The following ADAMTS9 variants were observed in gnomAD, a reference collection of about 807,000 sequenced individuals.
The protein encoded by ADAMTS9 is ADAM metallopeptidase with thrombospondin type 1 motif 9.
A neutral mutation model predicts 257.1 loss-of-function variants in ADAMTS9; 107 were observed. That is an observed-to-expected ratio of 0.42 (90% CI 0.36 to 0.49). The LOEUF is 0.49. Among genes scored for constraint, ADAMTS9 ranks in the 20% least tolerant of loss-of-function variants. ADAMTS9 has a pLI of 0.03. For synonymous variants in ADAMTS9, 982 were observed against 880.9 expected, an observed-to-expected ratio of 1.11 and a Z score of -2.03; for missense variants, 2,353 against 2,469.1, an observed-to-expected ratio of 0.95 and a Z score of 1.00.
At chr3:64,597,487 A>G (rs2084387320) in intron 26 of ADAMTS9, among the ~76,000 whole-genome samples, 1 of 152,206 alleles carries the variant, frequency 6.6e-6, no homozygotes, top group African/African-American at 2.4e-5. Flanking sequence ...TTACTCCAGG[A>G]AAACATCATG....
At chr3:64,569,639 A>ACATTCATAT (rs397715352) in intron 28 of ADAMTS9, among the ~76,000 whole-genome samples, 6 of 152,182 alleles carry the variant, frequency 3.9e-5, no homozygotes, top group Admixed American at 3.9e-4. Context: ...AAGCATGCTC[A>ACATTCATAT]GTTATCCATT....
At chr3:64,547,858 T>G (rs899653169) in intron 31 of ADAMTS9, among the ~76,000 whole-genome samples, 2 of 130,568 alleles carry the variant, frequency 1.5e-5, no homozygotes, top group Middle Eastern at 3.6e-3. Context: ...CTTAGCTAAG[T>G]TTTTTTTTTT....
At chr3:64,530,833 T>A (rs1299526021) in intron 38 of ADAMTS9, among the ~76,000 whole-genome samples, 1 of 152,170 alleles carries the variant, frequency 6.6e-6, no homozygotes, top group African/African-American at 2.4e-5. Flanking sequence ...GCAGTGGCAC[T>A]AGACAGGCAA....
intron 3 of ADAMTS9, among the ~76,000 whole-genome samples, chr3:64,674,822 C>A (rs1042239489): frequency 6.6e-6 from 1 of 152,190 alleles, no homozygotes; most frequent in Non-Finnish European, 1.5e-5. Context: ...GTCTCTCACT[C>A]CATTTGGGTA....
intron 3 of ADAMTS9, among the ~76,000 whole-genome samples, chr3:64,664,620 A>T (rs531749616): frequency 5.2e-4 from 79 of 152,230 alleles, no homozygotes; most frequent in African/African-American, 1.8e-3. Flanking sequence ...ATTACTTGTT[A>T]CTGTTAAATA....
In ADAMTS9 at chr3:64,633,891, A is replaced by G; in HGVS notation, c.1857-12T>C. ...CACCATTTTTTGGTCTGAAAAAGAAAAAATGTGAAGAGCACACACACTGTA... is the reference window on the plus strand; with the variant it reads ...CACCATTTTTTGGTCTGAAAAAGAAGAAATGTGAAGAGCACACACACTGTA... On this transcript the variant is annotated splice_polypyrimidine_tract_variant and intron_variant, in intron 12 of 39. Transcript: ENST00000498707. 1 of 1,606,814 alleles carries G rather than the reference A, an allele frequency of 6.2e-7. No individual in the cohort carries two copies. The highest frequency in any genetic ancestry group is 8.5e-7 in the Non-Finnish European group (1 of 1,176,722).
At position 64,622,243 on chromosome 3, in the gene ADAMTS9, A is replaced by T; in HGVS notation, c.2641T>A (p.Trp881Arg). 6.2e-7 allele frequency: 1 copy of T among 1,614,060 alleles called. No homozygotes were observed. Reference protein sequence around the residue: ...PIEDKPQQFYWNSHGPWQACS... With the variant: ...PIEDKPQQFYRNSHGPWQACS... ...GCTTGCCATGGCCCATGACTGTTCC[A>T]GTAAAACTGCTGAGGTTTATCTTCA... The change falls in exon 18 of 40, where the codon TGG becomes AGG. Residue 881 changes from tryptophan (W) to arginine (R), a missense_variant. Around this residue, in one of 3 missense-constraint regions of ADAMTS9, gnomAD observed 1,402 missense variants for 1,441.4 expected, o/e 0.97. Coordinates refer to ENST00000498707, the MANE Select transcript of ADAMTS9 (RefSeq NM_182920.2).
At chr3:64,647,806 G>T in intron 11 of ADAMTS9, 134 bp downstream of exon 11, 1 of 645,874 alleles carries the variant, frequency 1.5e-6, no homozygotes, top group Non-Finnish European at 2.4e-6. Flanking sequence ...CTAAACATCT[G>T]TCCTCTAAAA....
chr3:64,666,240 C>T (rs1327808577), intron 3 of ADAMTS9, among the ~76,000 whole-genome samples: 4 of 152,166 alleles, frequency 2.6e-5, no homozygotes, highest in African/African-American at 9.7e-5. Flanking sequence ...ACCAGCCAGG[C>T]CTCGTTATTC....
At chr3:64,659,003 C>T (rs1701157438) in intron 3 of ADAMTS9, among the ~76,000 whole-genome samples, 1 of 152,216 alleles carries the variant, frequency 6.6e-6, no homozygotes, top group Non-Finnish European at 1.5e-5. Context: ...TTCATACTTG[C>T]TCGCTTACGG....
chr3:64,594,465 T>A (rs753119018), intron 27 of ADAMTS9, 31 bp from the exon 28 acceptor site: 11 of 1,598,510 alleles, frequency 6.9e-6, no homozygotes, highest in Middle Eastern at 1.7e-4. Flanking sequence ...GCTGCAGTTA[T>A]TTTGTCTGAA....
chr3:64,641,801 A>G (rs1312569570), intron 12 of ADAMTS9, 47 bp downstream of exon 12: 1 of 1,604,272 alleles, frequency 6.2e-7, no homozygotes, highest in African/African-American at 1.3e-5. Flanking sequence ...TAGGAATTTC[A>G]TGTTCCTGCC....
intron 11 of ADAMTS9, among the ~76,000 whole-genome samples, chr3:64,642,797 C>G (rs545262677): frequency 6.6e-6 from 1 of 152,086 alleles, no homozygotes; most frequent in East Asian, 1.9e-4. Flanking sequence ...TCGCTCAGAT[C>G]TCTGAAGCGG....
chr3:64,550,819 T>G (rs2083260701), intron 31 of ADAMTS9, 73 bp downstream of exon 31: 7 of 1,578,954 alleles, frequency 4.4e-6, no homozygotes, highest in Middle Eastern at 1.7e-4. Context: ...CCTGCACTCA[T>G]CCCTCCACTC....
At chr3:64,547,004 C>G (rs1448671821) in intron 31 of ADAMTS9, 52 bp from the exon 32 acceptor site, 1 of 1,510,700 alleles carries the variant, frequency 6.6e-7, no homozygotes, top group East Asian at 2.3e-5. Flanking sequence ...TGGGGGCAGC[C>G]CACAATAGGC....
At chr3:64,518,141 T>G (rs1021443287) in intron 39 of ADAMTS9, among the ~76,000 whole-genome samples, 1 of 152,222 alleles carries the variant, frequency 6.6e-6, no homozygotes, top group East Asian at 1.9e-4. Context: ...TGCCTGAGAA[T>G]GAAGACATTT....
chr3:64,633,792 G>A lies in ADAMTS9; in HGVS notation c.1944C>T (p.Asp648=), dbSNP rs747451927. The change falls in exon 13 of 40, where the codon GAC becomes GAT. Residue 648 remains aspartate, a synonymous_variant. Transcript: ENST00000498707. ...NTEPCLKQKR[D]FRDEQCAHFD... The stretch of plus-strand genomic sequence containing the variant: ...AGTGAGCACACTGTTCATCTCGGAA[G>A]TCTCGCTTCTGCTTGAGACATGGCT... The A allele has an allele frequency of 1.2e-6, 2 of 1,613,324 alleles. No homozygotes were observed. The highest frequency in any genetic ancestry group is 2.2e-5 in the East Asian group (1 of 44,794).
At chr3:64,544,943 G>A (rs1303569521) in intron 32 of ADAMTS9, among the ~76,000 whole-genome samples, 2 of 152,110 alleles carry the variant, frequency 1.3e-5, no homozygotes, top group Non-Finnish European at 2.9e-5. Flanking sequence ...ATCAACAAGT[G>A]GGCGATGGAT....
At chr3:64,602,715 T>C (rs1419131225) in intron 25 of ADAMTS9, among the ~76,000 whole-genome samples, 1 of 152,204 alleles carries the variant, frequency 6.6e-6, no homozygotes, top group Admixed American at 6.5e-5. Flanking sequence ...ATTCAGGTCC[T>C]GCTCAATGTC....
Sources: gnomAD v4.1 joint callset for allele counts (sites outside exome capture counted in the v4.1 genomes callset) on GRCh38, gnomAD v4.1.1 for gene constraint, gnomAD v4.1.1 regional missense constraint, MANE v1.5 for transcripts, NCBI Gene and HGNC (gene_info 2026-07-23, HGNC 2026-07-21) for gene names.